NCKAP1L: variants seen among roughly 807,000 people sequenced by gnomAD.
NCKAP1L encodes the protein nck-associated protein 1-like.
A neutral mutation model predicts 139.2 loss-of-function variants in NCKAP1L; 53 were observed. That is an observed-to-expected ratio of 0.38 (90% CI 0.31 to 0.48). The LOEUF (loss-of-function observed/expected upper bound fraction) is 0.48. Among genes scored for constraint, NCKAP1L ranks in the 20% least tolerant of loss-of-function variants. The pLI is 0.98. For synonymous variants in NCKAP1L, 468 were observed against 499.7 expected, an observed-to-expected ratio of 0.94 and a Z score of 0.85; for missense variants, 1,151 against 1,381.9, an observed-to-expected ratio of 0.83 and a Z score of 2.65.
At chr12:54,532,126 T>C in intron 25 of NCKAP1L, 44 bp from the exon 26 acceptor site, 2 of 1,401,824 alleles carry the variant, frequency 1.4e-6, no homozygotes, top group Non-Finnish European at 2.0e-6. Flanking sequence ...TTTGAAGGCA[T>C]TGGTCATGGT....
intron 3 of NCKAP1L, among the ~76,000 whole-genome samples, chr12:54,505,444 CTT>C (rs60418317): frequency 4.7e-3 from 657 of 139,430 alleles, no homozygotes; most frequent in Middle Eastern, 0.015. Flanking sequence ...TTCCTTGTGC[CTT>C]TTTTTTTTTT....
chr12:54,519,385 AT>A, intron 16 of NCKAP1L, 53 bp downstream of exon 16: 6 of 1,282,490 alleles, frequency 4.7e-6, no homozygotes, highest in South Asian at 5.2e-5. Context: ...TCCTTTTTTC[AT>A]TTTTTTCTCC....
At chr12:54,523,681 T>A in intron 19 of NCKAP1L, 142 bp downstream of exon 19, 4 of 1,437,466 alleles carry the variant, frequency 2.8e-6, no homozygotes, top group Non-Finnish European at 2.8e-6. Flanking sequence ...AATGCGAATT[T>A]CCTACTTTGC....
Position 54,511,953 on chromosome 12 carries a change from G to T in NCKAP1L, c.789G>T (p.Gly263=), listed in dbSNP as rs1437805465. 3 of 1,614,182 alleles carry T rather than the reference G, an allele frequency of 1.9e-6. No individual in the cohort carries two copies. Among genetic ancestry groups the T allele is most frequent in the Admixed American group, 3.3e-5 (2 of 60,032 alleles). ...VEVMERWIII[G]FLLCHGCLNS... is the part of the protein sequence containing the mutation. ...GCACTGTTTTCCCACCTACAGTTGG[G>T]TTTCTTCTTTGTCATGGGTGCCTCA... The change falls in exon 9 of 31, where the codon GGG becomes GGT. Residue 263 remains glycine (G), a synonymous_variant. Coordinates refer to ENST00000293373, the MANE Select transcript of NCKAP1L (RefSeq NM_005337.5).
At chr12:54,503,304 CAT>C (rs1454220796) in intron 3 of NCKAP1L, among the ~76,000 whole-genome samples, 1 of 150,970 alleles carries the variant, frequency 6.6e-6, no homozygotes, top group Non-Finnish European at 1.5e-5. Flanking sequence ...TTTTTATAAA[CAT>C]AAAAAATAAA....
chr12:54,531,674 T>C, intron 24 of NCKAP1L, 69 bp from the exon 25 acceptor site: 1 of 1,599,162 alleles, frequency 6.3e-7, no homozygotes, highest in Non-Finnish European at 8.6e-7. Flanking sequence ...CTAGGCGGGG[T>C]CTGTAGAATC....
intron 22 of NCKAP1L, among the ~76,000 whole-genome samples, chr12:54,529,424 C>G (rs544935452): frequency 3.9e-5 from 6 of 152,148 alleles, no homozygotes; most frequent in Non-Finnish European, 7.4e-5. Flanking sequence ...CTACTTCTTT[C>G]TCCTTCCTCT....
At position 54,531,041 on chromosome 12, in the gene NCKAP1L, A is replaced by G. The variant is rs1411888020; in HGVS notation, c.2507-219A>G. The stretch of plus-strand genomic sequence containing the variant: ...AAAGTAATTAGTTATCATTTGTGGT[A>G]AGTCTTGGTGTGAGTACCAGTGGAG... On this transcript the variant is annotated intron_variant, in intron 22 of 30. Transcript: ENST00000293373. Among the ~76,000 whole-genome samples, 3 of 152,250 alleles carry G rather than the reference A, an allele frequency of 2.0e-5. No individual in the cohort carries two copies. The East Asian group carries it at 5.8e-4, about 29-fold the overall frequency.
At chr12:54,516,449 T>TC (rs1956932382) in intron 10 of NCKAP1L, among the ~76,000 whole-genome samples, 154 bp downstream of exon 10, 1 of 145,668 alleles carries the variant, frequency 6.9e-6, no homozygotes, top group Non-Finnish European at 1.5e-5. Flanking sequence ...TCTTTTCTTT[T>TC]CTTTTTTTTT....
chr12:54,498,793 C>T (rs1204425617), intron 1 of NCKAP1L: 1 of 985,060 alleles, frequency 1.0e-6, no homozygotes, highest in African/African-American at 1.8e-5. Flanking sequence ...TGTGCTGGGG[C>T]CAAGCAGGCA....
rs1565687109 is a variant in NCKAP1L at position 54,548,060 on chromosome 12, GA to G, written c.*5376del. ...TAACTTGGCAATTCTTTTATGTTAG[GA>G]GTCTTAGCTGTGACAGTTCATCCGC... On this transcript the variant is annotated 3_prime_UTR_variant, in exon 31 of 31. Transcript: ENST00000293373. 6.7e-6 allele frequency: 1 copy of G among 150,196 alleles called. No homozygotes were observed. The highest frequency in any genetic ancestry group is 1.5e-5 in the Non-Finnish European group (1 of 68,018). 9.3% of individuals were successfully genotyped at this position (150,196 alleles called of 1,614,324 possible). A position where few individuals can be genotyped will look rare whatever the true frequency, so the allele number is the denominator to read the frequency against.
intron 9 of NCKAP1L, among the ~76,000 whole-genome samples, chr12:54,515,098 A>G (rs1470100949): frequency 6.6e-6 from 1 of 152,252 alleles, no homozygotes; most frequent in Non-Finnish European, 1.5e-5. Context: ...GTGTCACTCA[A>G]TAAGAGGTGA....
At chr12:54,536,005 G>A in intron 27 of NCKAP1L, 124 bp from the exon 28 acceptor site, 1 of 705,752 alleles carries the variant, frequency 1.4e-6, no homozygotes, top group South Asian at 1.6e-5. Context: ...TTTATAAAGT[G>A]TTTTCATGGA....
Position 54,516,911 on chromosome 12 carries a change from T to C in NCKAP1L, c.1014T>C (p.Cys338=). The change falls in exon 11 of 31, where the codon TGT becomes TGC. Residue 338 remains cysteine (C), a synonymous_variant. Transcript: ENST00000293373. ...TCTTCCTTAGTGGCCAGTTTCATTG[T>C]CAACGGCGGCAATTTCTGCGGATGG... ...HVIANSGQFH[C]QRRQFLRMAV... is the part of the protein sequence containing the mutation. The C allele has an allele frequency of 6.2e-7, 1 of 1,612,526 alleles. No individual in the cohort carries two copies. The highest frequency in any genetic ancestry group is 8.5e-7 in the Non-Finnish European group (1 of 1,179,032).
intron 2 of NCKAP1L, 22 bp from the exon 3 acceptor site, chr12:54,500,511 T>G: frequency 1.9e-6 from 3 of 1,550,576 alleles, no homozygotes; most frequent in Non-Finnish European, 2.7e-6. Context: ...TTTTTTATTG[T>G]TTTGTTTTGT....
At position 54,509,874 on chromosome 12, in the gene NCKAP1L, G is replaced by A; in HGVS notation, c.624G>A (p.Leu208=). 1 of 1,614,200 alleles carries A rather than the reference G, an allele frequency of 6.2e-7. No individual in the cohort carries two copies. The highest frequency in any genetic ancestry group is 8.5e-7 in the Non-Finnish European group (1 of 1,180,024). The change falls in exon 7 of 31, where the codon TTG becomes TTA. Residue 208 remains leucine (L), a synonymous_variant. Transcript: ENST00000293373. ...CTGTGAGTGGAGCCCTCCTCTCTTT[G>A]CATTTCCTCTTTGTCCGAAGAAACC... ...TKAVSGALLS[L]HFLFVRRNQG...
At chr12:54,508,168 T>G (rs1213843647) in intron 4 of NCKAP1L, among the ~76,000 whole-genome samples, 6 of 152,252 alleles carry the variant, frequency 3.9e-5, no homozygotes, top group Admixed American at 3.9e-4. Context: ...TTCCATCTCC[T>G]AAAAGCTACC....
At chr12:54,540,034 C>T (rs1465875429) in intron 30 of NCKAP1L, among the ~76,000 whole-genome samples, 2 of 152,160 alleles carry the variant, frequency 1.3e-5, no homozygotes, top group African/African-American at 4.8e-5. Flanking sequence ...TGTTTCTTCC[C>T]TTCACCCTGT....
chr12:54,534,841 T>C (rs1957101625), intron 26 of NCKAP1L, among the ~76,000 whole-genome samples: 1 of 152,146 alleles, frequency 6.6e-6, no homozygotes. Flanking sequence ...ACCAGAAGTT[T>C]AAAATCTACG....
Sources: allele counts gnomAD v4.1 joint callset (sites outside exome capture counted in the v4.1 genomes callset), GRCh38; gene constraint gnomAD v4.1.1; transcripts MANE v1.5; gene names NCBI Gene and HGNC (gene_info 2026-07-23, HGNC 2026-07-21).